Variants in CHST8 observed in about 807,000 individuals in gnomAD.
The protein encoded by CHST8 is GALNAC-4-ST1.
Under a neutral mutation model 15.0 loss-of-function variants are expected in CHST8, and 10 were observed. That is an observed-to-expected ratio of 0.67 (90% CI 0.41 to 1.13). The LOEUF (loss-of-function observed/expected upper bound fraction) is 1.13, where lower values mean the gene tolerates loss of function less well. Ranked by LOEUF, CHST8 falls within the 50% of genes most tolerant of loss-of-function variation. The pLI, the probability that CHST8 is intolerant of heterozygous loss-of-function variation, is 0.00. For synonymous variants in CHST8, 259 were observed against 256.6 expected, an observed-to-expected ratio of 1.01 and a Z score of -0.09; for missense variants, 634 against 608.2, an observed-to-expected ratio of 1.04 and a Z score of -0.45.
At chr19:33,732,290 C>T (rs75376485) in intron 3 of CHST8, among the ~76,000 whole-genome samples, 2,858 of 152,264 alleles carry the variant, frequency 0.019, 34 homozygotes, top group Non-Finnish European at 0.027. Flanking sequence ...AATAAGCCCG[C>T]GTTCTGTTTT....
intron 3 of CHST8, among the ~76,000 whole-genome samples, chr19:33,766,754 A>C (rs544978321): frequency 1.3e-5 from 2 of 152,338 alleles, no homozygotes; most frequent in East Asian, 3.9e-4. Flanking sequence ...GCCTGAGCCA[A>C]GAGAAGCAGC....
In CHST8 at chr19:33,772,122, C is replaced by T. The variant is rs1268260869; in HGVS notation, c.334C>T (p.Arg112Cys). Residue 112 changes from arginine to cysteine, a missense_variant, in exon 5 of 5, where the codon CGC becomes TGC. Arg to Cys is a radical substitution (Grantham distance 180, BLOSUM62 -3). Transcript: ENST00000650847. ...GTRLRLRQRR[R>C]RLLIKKMPAA... ...CCGTCTGCGGCTCCGCCAGCGCCGT[C>T]GCCGTCTGCTCATCAAGAAAATGCC... The T allele has an allele frequency of 6.2e-7, 1 of 1,610,442 alleles. No homozygotes were observed.
chr19:33,695,791 C>T (rs1973198363), intron 3 of CHST8, among the ~76,000 whole-genome samples: 1 of 134,080 alleles, frequency 7.5e-6, no homozygotes, highest in African/African-American at 2.9e-5. Flanking sequence ...GTATATATAC[C>T]ACATTTTCTT....
At chr19:33,771,184 A>G (rs1022341585) in intron 3 of CHST8, among the ~76,000 whole-genome samples, 5 of 151,982 alleles carry the variant, frequency 3.3e-5, no homozygotes, top group African/African-American at 9.7e-5. Context: ...CAGAGAAGAG[A>G]GCCTCAGCTG....
intron 3 of CHST8, among the ~76,000 whole-genome samples, chr19:33,709,639 G>A (rs1450515973): frequency 6.6e-6 from 1 of 150,850 alleles, no homozygotes; most frequent in African/African-American, 2.4e-5. Flanking sequence ...TTTTTTTTGA[G>A]GGATAGTTGT....
intron 3 of CHST8, among the ~76,000 whole-genome samples, chr19:33,722,362 GACGGACGGACAGACGGATGGGTAGGT>G (rs1264725206): frequency 6.6e-6 from 1 of 152,186 alleles, no homozygotes; most frequent in Non-Finnish European, 1.5e-5. Context: ...CTGATGGATG[GACGGACGGACAGACGGATGGGTAGGT>G]ACATGTAGTA....
intron 3 of CHST8, among the ~76,000 whole-genome samples, chr19:33,755,887 G>A (rs1974535472): frequency 6.6e-6 from 1 of 152,210 alleles, no homozygotes; most frequent in East Asian, 1.9e-4. Flanking sequence ...AAAGCTGGCG[G>A]GTCTAATTGC....
chr19:33,713,394 G>A (rs1338012703), intron 3 of CHST8, among the ~76,000 whole-genome samples: 1 of 152,096 alleles, frequency 6.6e-6, no homozygotes, highest in Admixed American at 6.5e-5. Flanking sequence ...CATGCTTGGT[G>A]AGTGACATTC....
At chr19:33,649,185 G>A (rs1972399597) in intron 1 of CHST8, among the ~76,000 whole-genome samples, 2 of 152,054 alleles carry the variant, frequency 1.3e-5, no homozygotes, top group Admixed American at 1.3e-4. Context: ...ATTACAGACA[G>A]GAGCCACTGT....
At chr19:33,739,232 T>C (rs552578822) in intron 3 of CHST8, among the ~76,000 whole-genome samples, 12 of 152,292 alleles carry the variant, frequency 7.9e-5, no homozygotes, top group Admixed American at 6.5e-4. Flanking sequence ...GTCCCAGCCA[T>C]GACTATTATC....
intron 2 of CHST8, among the ~76,000 whole-genome samples, chr19:33,682,925 T>TG (rs1397313849): frequency 2.0e-5 from 3 of 152,168 alleles, no homozygotes; most frequent in Non-Finnish European, 4.4e-5. Context: ...GGAAGCATGG[T>TG]GTTGGCATCT....
intron 2 of CHST8, among the ~76,000 whole-genome samples, chr19:33,682,465 A>C (rs1972907745): frequency 6.6e-6 from 1 of 152,142 alleles, no homozygotes; most frequent in Non-Finnish European, 1.5e-5. Context: ...GGCATTAATT[A>C]CATTCACATT....
At chr19:33,696,016 G>A (rs1973211452) in intron 3 of CHST8, among the ~76,000 whole-genome samples, 1 of 151,764 alleles carries the variant, frequency 6.6e-6, no homozygotes, top group South Asian at 2.1e-4. Flanking sequence ...GGTAGAGACA[G>A]TGTTTCACCA....
intron 3 of CHST8, among the ~76,000 whole-genome samples, chr19:33,714,566 T>TAC (rs1028672652): frequency 6.6e-6 from 1 of 151,822 alleles, no homozygotes; most frequent in African/African-American, 2.4e-5. Context: ...GGGTGATGGG[T>TAC]ACACTAAAAG....
chr19:33,732,064 T>G (rs1420625869), intron 3 of CHST8, among the ~76,000 whole-genome samples: 2 of 152,228 alleles, frequency 1.3e-5, no homozygotes, highest in Admixed American at 6.5e-5. Context: ...CTGCATGAGC[T>G]TGGCCATGTG....
chr19:33,764,493 T>C (rs1374903458), intron 3 of CHST8, among the ~76,000 whole-genome samples: 1 of 152,038 alleles, frequency 6.6e-6, no homozygotes, highest in East Asian at 1.9e-4. Flanking sequence ...GAGCAAGACT[T>C]TGTCTCTTCA....
intron 1 of CHST8, among the ~76,000 whole-genome samples, chr19:33,631,969 T>C (rs184882137): frequency 1.3e-3 from 193 of 152,320 alleles, no homozygotes; most frequent in Non-Finnish European, 2.4e-3. Flanking sequence ...TGGCAGCTGC[T>C]ACTGCTATTA....
chr19:33,662,172 C>T (rs1238587849), intron 1 of CHST8, among the ~76,000 whole-genome samples: 1 of 152,140 alleles, frequency 6.6e-6, no homozygotes, highest in Non-Finnish European at 1.5e-5. Flanking sequence ...CCTCAGCTTC[C>T]TGGGCTCAAG....
At chr19:33,668,214 G>T (rs565542919) in intron 2 of CHST8, among the ~76,000 whole-genome samples, 1 of 152,316 alleles carries the variant, frequency 6.6e-6, no homozygotes, top group Admixed American at 6.5e-5. Flanking sequence ...TTGAGATGGC[G>T]TGGAAGGGAA....
Sources: gnomAD v4.1 joint callset for allele counts (sites outside exome capture counted in the v4.1 genomes callset) on GRCh38, gnomAD v4.1.1 for gene constraint, MANE v1.5 for transcripts, NCBI Gene and HGNC (gene_info 2026-07-23, HGNC 2026-07-21) for gene names.